The following SYTL5 variants were observed in gnomAD, a reference collection of about 807,000 sequenced individuals.
SYTL5 encodes the protein synaptotagmin-like protein 5.
A neutral mutation model predicts 55.9 loss-of-function variants in SYTL5; 34 were observed. That is an observed-to-expected ratio of 0.61 (90% CI 0.46 to 0.81). SYTL5 has a LOEUF of 0.81. Among genes scored for constraint, SYTL5 ranks in the 30% least tolerant of loss-of-function variants. The pLI, the probability that SYTL5 is intolerant of heterozygous loss-of-function variation, is 0.00. For synonymous variants in SYTL5, 221 were observed against 188.7 expected (o/e 1.17, Z -1.40); for missense variants, 637 against 546.7 (o/e 1.17, Z -1.65).
At chrX:37,901,384 T>C in the SYTL5 span, among the ~76,000 whole-genome samples, 1 of 111,908 alleles carries the variant, frequency 8.9e-6, no homozygotes, top group Non-Finnish European at 1.9e-5. Context: ...GACACTACCC[T>C]GCCAGCAGAC....
At position 38,120,601 on chromosome X, in the gene SYTL5, T is replaced by G. The variant is rs372539985; in HGVS notation, c.1705+135T>G. 2,516 of 487,634 alleles carry G rather than the reference T, an allele frequency of 5.2e-3. 42 individuals are homozygous for G. The South Asian group carries it at 0.075, about 15-fold the overall frequency. 40.2% of individuals were successfully genotyped at this position (487,634 alleles called of 1,213,427 possible). A position where few individuals can be genotyped will look rare whatever the true frequency, so the allele number is the denominator to read the frequency against. On this transcript the variant is annotated intron_variant, in intron 14 of 16. Coordinates refer to ENST00000297875, the MANE Select transcript of SYTL5 (RefSeq NM_138780.3). ...CATAAAGGGTTTGGTGTCACTGTCT[T>G]TTGGGGAGAGTTGAGATGTGTATAC...
the SYTL5 span, among the ~76,000 whole-genome samples, chrX:37,992,996 C>A: frequency 1.8e-5 from 2 of 109,861 alleles, no homozygotes; most frequent in African/African-American, 6.6e-5. Flanking sequence ...GTTCTCTGAT[C>A]CAAATATAAA....
At chrX:37,989,068 C>T in the SYTL5 span, among the ~76,000 whole-genome samples, 1 of 111,995 alleles carries the variant, frequency 8.9e-6, no homozygotes, top group African/African-American at 3.2e-5. Flanking sequence ...AAATTCATTG[C>T]CACAAAATCA....
At chrX:38,118,339 A>AT (rs771513881) in intron 13 of SYTL5, among the ~76,000 whole-genome samples, 40 of 110,694 alleles carry the variant, frequency 3.6e-4, no homozygotes, top group South Asian at 1.5e-3. Context: ...AGTATTTTTA[A>AT]TTTTTTTTTA....
At chrX:37,947,615 A>G in the SYTL5 span, among the ~76,000 whole-genome samples, 25 of 111,750 alleles carry the variant, frequency 2.2e-4, 1 homozygote, top group Admixed American at 3.8e-4. Context: ...GGACTAATAC[A>G]CCATCAGAAA....
At chrX:38,101,320 A>C (rs1937077435) in intron 9 of SYTL5, among the ~76,000 whole-genome samples, 1 of 111,196 alleles carries the variant, frequency 9.0e-6, no homozygotes, top group Non-Finnish European at 1.9e-5. Flanking sequence ...CTATATATCT[A>C]TGTTTTATGT....
intron 8 of SYTL5, 73 bp from the exon 9 acceptor site, chrX:38,096,061 C>T (rs1427730333): frequency 1.1e-5 from 6 of 526,238 alleles, no homozygotes. Flanking sequence ...AGGTGAAACA[C>T]TTGGAATAAA....
the SYTL5 span, among the ~76,000 whole-genome samples, chrX:37,968,951 T>C: frequency 8.9e-6 from 1 of 112,318 alleles, no homozygotes; most frequent in South Asian, 3.7e-4. Flanking sequence ...GAACAATTTC[T>C]TTATATTACA....
chrX:37,935,201 T>C, the SYTL5 span, among the ~76,000 whole-genome samples: 5 of 112,107 alleles, frequency 4.5e-5, 1 homozygote, highest in Admixed American at 4.7e-4. Flanking sequence ...TTTGAAGTGC[T>C]AAAAGAAAGA....
intron 10 of SYTL5, among the ~76,000 whole-genome samples, chrX:38,104,264 CTG>C (rs1481061335): frequency 8.9e-6 from 1 of 111,837 alleles, no homozygotes; most frequent in African/African-American, 3.3e-5. Context: ...TAAAATATTT[CTG>C]TGATTCCCCT....
At chrX:38,105,167 A>G (rs1489909597) in intron 10 of SYTL5, among the ~76,000 whole-genome samples, 1 of 112,683 alleles carries the variant, frequency 8.9e-6, no homozygotes, top group Non-Finnish European at 1.9e-5. Flanking sequence ...CCAACTGGAC[A>G]AAGGGAGGCT....
chrX:38,052,871 T>G (rs1258843289), intron 2 of SYTL5, among the ~76,000 whole-genome samples: 5 of 111,760 alleles, frequency 4.5e-5, no homozygotes, highest in Non-Finnish European at 9.4e-5. Flanking sequence ...AGCAATGACA[T>G]GTCTGTGAAG....
chrX:38,089,910 G>A (rs1936756899), intron 7 of SYTL5, among the ~76,000 whole-genome samples: 1 of 111,557 alleles, frequency 9.0e-6, no homozygotes, highest in African/African-American at 3.3e-5. Context: ...ATTTGGGTAG[G>A]GACATAGAGC....
At chrX:37,963,827 G>A in the SYTL5 span, among the ~76,000 whole-genome samples, 22 of 111,629 alleles carry the variant, frequency 2.0e-4, no homozygotes, top group Non-Finnish European at 3.8e-4. Context: ...TAGAAGAAAA[G>A]CCTTCAGTTT....
chrX:38,092,237 G>C (rs1164668369), intron 7 of SYTL5, among the ~76,000 whole-genome samples: 1 of 111,975 alleles, frequency 8.9e-6, no homozygotes, highest in African/African-American at 3.2e-5. Context: ...CACAGGGATA[G>C]AACTGATAAC....
chrX:38,057,418 G>C (rs1415005288), intron 3 of SYTL5, among the ~76,000 whole-genome samples: 3 of 111,384 alleles, frequency 2.7e-5, no homozygotes, highest in African/African-American at 9.8e-5. Context: ...ATAGTTCTGT[G>C]GTATAATTTG....
the SYTL5 span, among the ~76,000 whole-genome samples, chrX:37,985,482 C>CAAAG: frequency 9.0e-6 from 1 of 110,514 alleles, no homozygotes; most frequent in African/African-American, 3.3e-5. Context: ...AAAAGAAGGG[C>CAAAG]AAAGACTATA....
chrX:37,969,636 G>C, the SYTL5 span, among the ~76,000 whole-genome samples: 3 of 111,810 alleles, frequency 2.7e-5, no homozygotes, highest in Non-Finnish European at 5.6e-5. Context: ...ATCATTCAAG[G>C]CCTTTCCGTT....
At chrX:38,098,189 G>A (rs73467473) in intron 9 of SYTL5, among the ~76,000 whole-genome samples, 366 of 110,779 alleles carry the variant, frequency 3.3e-3, no homozygotes, top group African/African-American at 0.011. Context: ...AAAAAAACTG[G>A]TAAATTAAAT....
Sources: gnomAD v4.1 joint callset for allele counts (sites outside exome capture counted in the v4.1 genomes callset) on GRCh38, gnomAD v4.1.1 for gene constraint, MANE v1.5 for transcripts, NCBI Gene and HGNC (gene_info 2026-07-23, HGNC 2026-07-21) for gene names.